WEE1: variants seen among roughly 807,000 people sequenced by gnomAD.
WEE1 encodes the protein WEE1 G2 checkpoint kinase, also known as wee1-like protein kinase.
In WEE1, 16 loss-of-function variants were observed where a neutral mutation model predicts 68.8. The ratio of observed to expected loss-of-function variants is 0.23; its 90% CI spans 0.16 to 0.35. The LOEUF is 0.35. WEE1 is among the 10% of genes least tolerant of loss of function. The probability of loss-of-function intolerance (pLI) is 1.00; values close to 1 mark genes in which losing one functional copy is unlikely to be tolerated. For synonymous variants in WEE1, 349 were observed against 318.7 expected, an observed-to-expected ratio of 1.09 and a Z score of -1.01; for missense variants, 651 against 824.1, an observed-to-expected ratio of 0.79 and a Z score of 2.57.
Position 9,576,414 on chromosome 11 carries a change from C to A in WEE1, c.847-73C>A. 1 of 1,568,204 alleles carries A rather than the reference C, an allele frequency of 6.4e-7. No individual in the cohort carries two copies. Among genetic ancestry groups the A allele is most frequent in the Non-Finnish European group, 8.7e-7 (1 of 1,153,814 alleles). On this transcript the variant is annotated intron_variant, in intron 3 of 10. Transcript: ENST00000450114. The surrounding 1 kb of genome is among the most constrained non-coding windows in gnomAD (Gnocchi z 4.3). Reference sequence around the variant, plus strand: ...AATGGTTTTTAAATTTCACACATAGCCCTATCACCATAGCAAGAAATAACT... The same window carrying A: ...AATGGTTTTTAAATTTCACACATAGACCTATCACCATAGCAAGAAATAACT...
At position 9,574,874 on chromosome 11, in the gene WEE1, C is replaced by A; in HGVS notation, c.576+365C>A. 1.0e-6 allele frequency: 1 copy of A among 987,408 alleles called. No homozygotes were observed. The highest frequency in any genetic ancestry group is 1.1e-4 in the East Asian group (1 of 8,856). 61.2% of individuals were successfully genotyped at this position (987,408 alleles called of 1,614,324 possible). Reference sequence around the variant, plus strand: ...TGCCGGCCCGGCCACCTGACACTCCCGAGCCATAGGATGCCTTTTAAACGC... The same window carrying A: ...TGCCGGCCCGGCCACCTGACACTCCAGAGCCATAGGATGCCTTTTAAACGC... On this transcript the variant is annotated intron_variant, in intron 1 of 10. Transcript: ENST00000450114. This position sits in a 1 kb window ranked among gnomAD's most constrained non-coding sequence, Gnocchi z 4.9.
intron 10 of WEE1, among the ~76,000 whole-genome samples, chr11:9,587,785 T>C (rs1849717858): frequency 1.3e-5 from 2 of 152,164 alleles, no homozygotes; most frequent in Admixed American, 6.5e-5. Flanking sequence ...TTGAAAAGGT[T>C]ATGTTAACAA....
At position 9,586,995 on chromosome 11, in the gene WEE1, A is replaced by G. The variant is rs755710816; in HGVS notation, c.1787+139A>G. ...TTTTTGTTTTTTGAGACAGGGTCTC[A>G]CTGTCATCAGGCTGGAGTGCACTGG... is the stretch of plus-strand genomic sequence containing the variant. On this transcript the variant is annotated intron_variant, in intron 10 of 10. Coordinates refer to ENST00000450114, the MANE Select transcript of WEE1 (RefSeq NM_003390.4). The G allele has an allele frequency of 1.7e-4, 162 of 971,582 alleles. 1 individual carries two copies. The highest frequency in any genetic ancestry group is 2.2e-4 in the Non-Finnish European group (151 of 674,738). 60.2% of individuals were successfully genotyped at this position (971,582 alleles called of 1,614,324 possible). A position where few individuals can be genotyped will look rare whatever the true frequency, so the allele number is the denominator to read the frequency against.
At chr11:9,578,879 T>TTTTATTTATTTATTTATTTA (rs61158431) in intron 5 of WEE1, 7 of 142,168 alleles carry the variant, frequency 4.9e-5, no homozygotes, top group African/African-American at 7.8e-5. Context: ...GAAAATAAGT[T>TTTTATTTATTTATTTATTTA]TTTATTTATT....
intron 1 of WEE1, 91 bp from the exon 2 acceptor site, chr11:9,575,797 G>T: frequency 9.2e-7 from 1 of 1,086,342 alleles, no homozygotes. Context: ...TACGCATTCA[G>T]CCCTATGAAA....
chr11:9,587,294 C>G (rs1849712105), intron 10 of WEE1, among the ~76,000 whole-genome samples: 1 of 152,102 alleles, frequency 6.6e-6, no homozygotes. Context: ...ACGGTGAAAG[C>G]TTGGGGACTT....
At position 9,585,469 on chromosome 11, in the gene WEE1, C is replaced by T; in HGVS notation, c.1412C>T (p.Ser471Phe). 1.0e-5 allele frequency: 16 copies of T among 1,604,454 alleles called. No homozygotes were observed. The highest frequency in any genetic ancestry group is 1.4e-5 in the Non-Finnish European group (16 of 1,177,618). The change falls in exon 8 of 11, where the codon TCC (serine) becomes TTC (phenylalanine). Residue 471 changes from serine (S) to phenylalanine (F), a missense_variant. Coordinates refer to ENST00000450114, the MANE Select transcript of WEE1 (RefSeq NM_003390.4). ...GATCTTGGGCATGTAACAAGGATCT[C>T]CAGTCCACAAGTTGAAGAGGGCGAT... ...IGDLGHVTRI[S>F]SPQVEEGDSR...
chr11:9,577,516 A>C, intron 5 of WEE1: 2 of 425,992 alleles, frequency 4.7e-6, no homozygotes, highest in Non-Finnish European at 8.6e-6. Flanking sequence ...TGACAAGACT[A>C]TGGCCTCGAC....
chr11:9,577,645 G>T, intron 5 of WEE1: 8 of 325,082 alleles, frequency 2.5e-5, no homozygotes, highest in South Asian at 2.1e-4. Flanking sequence ...CATGTGAGGT[G>T]CTGCTAAAAC....
At chr11:9,586,987 A>G (rs1288518830) in intron 10 of WEE1, 131 bp downstream of exon 10, 2 of 1,028,398 alleles carry the variant, frequency 1.9e-6, no homozygotes, top group Admixed American at 2.9e-5. Flanking sequence ...TTTTTGAGAC[A>G]GGGTCTCACT....
Position 9,574,776 on chromosome 11 carries a change from G to A in WEE1, c.576+267G>A. ...GGTGGCCAAGGATTTGCCGCCCGTTGAGTCCGGGCCGCCCCGAGCGTGTCA... is the reference window on the plus strand; with the variant it reads ...GGTGGCCAAGGATTTGCCGCCCGTTAAGTCCGGGCCGCCCCGAGCGTGTCA... On this transcript the variant is annotated intron_variant, in intron 1 of 10. Transcript: ENST00000450114. The surrounding 1 kb of genome is among the most constrained non-coding windows in gnomAD (Gnocchi z 4.9). The A allele has an allele frequency of 9.9e-7, 1 of 1,013,342 alleles. No homozygotes were observed. The highest frequency in any genetic ancestry group is 1.2e-6 in the Non-Finnish European group (1 of 848,506). 62.8% of individuals were successfully genotyped at this position (1,013,342 alleles called of 1,614,324 possible).
Position 9,586,776 on chromosome 11 carries a change from G to A in WEE1, c.1707G>A (p.Leu569=), listed in dbSNP as rs1849704688. Residue 569 remains leucine, a synonymous_variant, in exon 10 of 11, where the codon TTG becomes TTA. Transcript: ENST00000450114. ...SAMALVKHSV[L]LSASRKSAEQ... The stretch of plus-strand genomic sequence containing the variant: ...TGGCACTGGTAAAGCATTCAGTATT[G>A]CTGTCCGCTTCTAGAAAGAGTGCAG... 2 of 1,614,020 alleles carry A rather than the reference G, an allele frequency of 1.2e-6. No homozygotes were observed. Among genetic ancestry groups the A allele is most frequent in the Non-Finnish European group, 1.7e-6 (2 of 1,179,934 alleles).
At chr11:9,583,804 T>C (rs1034979195) in intron 6 of WEE1, among the ~76,000 whole-genome samples, 483 of 11,016 alleles carry the variant, frequency 0.044, 1 homozygote, top group Middle Eastern at 0.067. Flanking sequence ...CACACACACA[T>C]ATATATATAT....
At chr11:9,584,813 A>C (rs7110225) in intron 6 of WEE1, among the ~76,000 whole-genome samples, 52,249 of 152,076 alleles carry the variant, frequency 0.34, 9,709 homozygotes, top group Non-Finnish European at 0.42. Flanking sequence ...GTGGTGGCTC[A>C]TGCCTGTAAT....
chr11:9,583,757 GCGCGCACACACACA>G (rs1355048312), intron 6 of WEE1, among the ~76,000 whole-genome samples: 2 of 11,562 alleles, frequency 1.7e-4, no homozygotes, highest in African/African-American at 2.4e-4. Context: ...GCGTGCACGC[GCGCGCACACACACA>G]CACACACACA....
intron 5 of WEE1, chr11:9,581,224 A>G: frequency 4.2e-6 from 1 of 240,378 alleles, no homozygotes; most frequent in Non-Finnish European, 7.9e-6. Flanking sequence ...TCTCTTATAA[A>G]TTAAAAACAA....
At position 9,576,608 on chromosome 11, in the gene WEE1, G is replaced by T. The variant is rs1379512468; in HGVS notation, c.968G>T (p.Cys323Phe). ...VFKCVKRLDG[C>F]IYAIKRSKKP... is the part of the protein sequence containing the mutation. ...AAGTGTGTGAAGAGGCTGGATGGAT[G>T]CATTTATGCCATTAAGCGATCAAAA... Residue 323 changes from cysteine (C) to phenylalanine (F), a missense_variant, in exon 4 of 11, where the codon TGC (cysteine) becomes TTC (phenylalanine). Cys to Phe is a radical substitution (Grantham distance 205, BLOSUM62 -2). This residue lies in a region of WEE1 where 41 missense variants were observed against 125.6 expected (regional missense o/e 0.33). Transcript: ENST00000450114. This position sits in a 1 kb window ranked among gnomAD's most constrained non-coding sequence, Gnocchi z 4.3. 1 of 1,613,908 alleles carries T rather than the reference G, an allele frequency of 6.2e-7. No homozygotes were observed. The highest frequency in any genetic ancestry group is 2.2e-5 in the East Asian group (1 of 44,846).
intron 10 of WEE1, 108 bp downstream of exon 10, chr11:9,586,964 T>C (rs943704685): frequency 7.6e-7 from 1 of 1,310,200 alleles, no homozygotes; most frequent in African/African-American, 1.5e-5. Flanking sequence ...TAGTGGTTTT[T>C]TGTGTTTTTT....
In WEE1 at chr11:9,588,825, G is replaced by C; in HGVS notation, c.*223G>C. On this transcript the variant is annotated 3_prime_UTR_variant, in exon 11 of 11. Transcript: ENST00000450114. ...TCTTCTGTAGGATGTGTCACTGTTG[G>C]ATGTTACACCAGCCTTTCCAGGGTT... 4 of 1,132,204 alleles carry C rather than the reference G, an allele frequency of 3.5e-6. No individual in the cohort carries two copies. The highest frequency in any genetic ancestry group is 4.3e-6 in the Non-Finnish European group (4 of 921,688). 70.1% of individuals were successfully genotyped at this position (1,132,204 alleles called of 1,614,324 possible).
Sources: gnomAD v4.1 joint callset for allele counts (sites outside exome capture counted in the v4.1 genomes callset) on GRCh38, gnomAD v4.1.1 for gene constraint, gnomAD v4.1.1 regional missense constraint, Gnocchi (gnomAD v3.1) non-coding constraint, MANE v1.5 for transcripts, NCBI Gene and HGNC (gene_info 2026-07-23, HGNC 2026-07-21) for gene names.